The following PCDHA1 variants were observed in gnomAD, a reference collection of about 807,000 sequenced individuals.
PCDHA1 encodes the protein protocadherin alpha 1, also known as protocadherin alpha-1.
A neutral mutation model predicts 61.3 loss-of-function variants in PCDHA1; 42 were observed. The ratio of observed to expected loss-of-function variants is 0.69; its 90% CI spans 0.54 to 0.89. The LOEUF is 0.89. PCDHA1 is among the 40% of genes least tolerant of loss of function. The pLI is 0.00. For synonymous variants in PCDHA1, 610 were observed against 553.8 expected, an observed-to-expected ratio of 1.10 and a Z score of -1.43; for missense variants, 1,256 against 1,235.3, an observed-to-expected ratio of 1.02 and a Z score of -0.25.
chr5:140,988,847 C>A (rs2097315589), intron 3 of PCDHA1: 1 of 152,186 alleles, frequency 6.6e-6, no homozygotes, highest in African/African-American at 2.4e-5. Context: ...CTCCTGAAAC[C>A]TATCCAGTCT....
At chr5:140,797,351 AG>A (rs1581626087) in intron 1 of PCDHA1, 1 of 1,613,658 alleles carries the variant, frequency 6.2e-7, no homozygotes. Flanking sequence ...TACGTAGGAA[AG>A]GTGAGTCTTT....
At chr5:140,940,764 G>C (rs977154290) in intron 1 of PCDHA1, among the ~76,000 whole-genome samples, 1 of 152,080 alleles carries the variant, frequency 6.6e-6, no homozygotes, top group Non-Finnish European at 1.5e-5. Context: ...ACTTTTATTT[G>C]ACTTTTGATG....
intron 1 of PCDHA1, chr5:140,814,250 A>C (rs1436384389): frequency 6.6e-6 from 1 of 152,380 alleles, no homozygotes; most frequent in African/African-American, 2.4e-5. Context: ...AAATGAAGAT[A>C]TAAACACCCA....
chr5:140,898,147 C>T (rs2066556304), intron 1 of PCDHA1, among the ~76,000 whole-genome samples: 1 of 152,150 alleles, frequency 6.6e-6, no homozygotes, highest in African/African-American at 2.4e-5. Flanking sequence ...GTTGCCTGTT[C>T]ACGCTGATGG....
chr5:140,880,646 C>A (rs782457852), intron 1 of PCDHA1, among the ~76,000 whole-genome samples: 1 of 152,060 alleles, frequency 6.6e-6, no homozygotes, highest in Non-Finnish European at 1.5e-5. Context: ...ACTTGAGAGC[C>A]CAACTGAGGT....
At chr5:140,920,841 T>TAAAAA (rs781921146) in intron 1 of PCDHA1, among the ~76,000 whole-genome samples, 2 of 109,230 alleles carry the variant, frequency 1.8e-5, no homozygotes, top group Non-Finnish European at 1.9e-5. Flanking sequence ...AGACCAAATC[T>TAAAAA]AAAAAAAAAA....
At chr5:140,867,070 CA>C (rs1214152735) in intron 1 of PCDHA1, 1 of 152,124 alleles carries the variant, frequency 6.6e-6, no homozygotes, top group Non-Finnish European at 1.5e-5. Flanking sequence ...TATATATTCA[CA>C]AAATACTGTA....
At chr5:140,928,056 G>T (rs183490994) in intron 1 of PCDHA1, 1 of 1,614,154 alleles carries the variant, frequency 6.2e-7, no homozygotes, top group Admixed American at 1.7e-5. Flanking sequence ...TTCAGCTGAC[G>T]GCTTCCTTTG....
At position 140,834,924 on chromosome 5, in the gene PCDHA1, G is replaced by C; in HGVS notation, c.2394+46240G>C. ...GAGCCCCAATGAGTATTTCTTCCTG[G>C]ACGTGCCAACCAGCAACCAGCAGGT... On this transcript the variant is annotated intron_variant, in intron 1 of 3. Coordinates refer to ENST00000504120, the MANE Select transcript of PCDHA1 (RefSeq NM_018900.4). 1.9e-6 allele frequency: 3 copies of C among 1,585,868 alleles called. No homozygotes were observed. The South Asian group carries it at 3.4e-5, about 18-fold the overall frequency.
At chr5:140,985,103 A>C (rs1342526252) in intron 3 of PCDHA1, among the ~76,000 whole-genome samples, 1 of 151,694 alleles carries the variant, frequency 6.6e-6, no homozygotes, top group Admixed American at 6.6e-5. Context: ...AAGCCTGGCT[A>C]ATTTTTTGTG....
At chr5:140,926,738 G>T in intron 1 of PCDHA1, 1 of 1,162,106 alleles carries the variant, frequency 8.6e-7, no homozygotes, top group Non-Finnish European at 1.1e-6. Context: ...TTCGGGAGGC[G>T]CAACGTCGGC....
intron 1 of PCDHA1, chr5:140,808,734 A>C: frequency 6.2e-7 from 1 of 1,612,162 alleles, no homozygotes; most frequent in South Asian, 1.1e-5. Context: ...GAGAGCGGCA[A>C]GGTGTACGCG....
intron 1 of PCDHA1, chr5:140,869,160 C>G (rs201759355): frequency 6.2e-7 from 1 of 1,613,768 alleles, no homozygotes; most frequent in African/African-American, 1.3e-5. Flanking sequence ...TCTGGCTTCT[C>G]CTCCTCGAAT....
intron 1 of PCDHA1, chr5:140,809,078 A>G: frequency 6.2e-7 from 1 of 1,613,922 alleles, no homozygotes; most frequent in South Asian, 1.1e-5. Context: ...CACTGGCGAG[A>G]TCAGCACAAC....
chr5:140,796,914 G>A (rs368945682), intron 1 of PCDHA1: 1 of 1,613,808 alleles, frequency 6.2e-7, no homozygotes, highest in African/African-American at 1.3e-5. Flanking sequence ...TACTCGTGCT[G>A]GTGAAGGACC....
At chr5:140,891,888 T>C (rs1562860973) in intron 1 of PCDHA1, among the ~76,000 whole-genome samples, 1 of 152,212 alleles carries the variant, frequency 6.6e-6, no homozygotes, top group Non-Finnish European at 1.5e-5. Context: ...CATGTGACGA[T>C]GCAGCAAGAA....
intron 3 of PCDHA1, among the ~76,000 whole-genome samples, chr5:140,982,814 A>G (rs1166333981): frequency 6.6e-6 from 1 of 151,580 alleles, no homozygotes; most frequent in Non-Finnish European, 1.5e-5. Context: ...TGTGTGTATG[A>G]AGTTTTTGGG....
At chr5:140,924,480 T>C (rs2081865040) in intron 1 of PCDHA1, among the ~76,000 whole-genome samples, 1 of 152,178 alleles carries the variant, frequency 6.6e-6, no homozygotes, top group Non-Finnish European at 1.5e-5. Flanking sequence ...TGGTTTTTAG[T>C]GGAACACTGG....
At chr5:140,962,406 T>C (rs1272839882) in intron 1 of PCDHA1, among the ~76,000 whole-genome samples, 1 of 152,218 alleles carries the variant, frequency 6.6e-6, no homozygotes, top group African/African-American at 2.4e-5. Context: ...GCCCCAAACC[T>C]GTCTCTCCCT....
Sources: allele counts gnomAD v4.1 joint callset (sites outside exome capture counted in the v4.1 genomes callset), GRCh38; gene constraint gnomAD v4.1.1; transcripts MANE v1.5; gene names NCBI Gene and HGNC (gene_info 2026-07-23, HGNC 2026-07-21).